RYR3: variants seen among roughly 807,000 people sequenced by gnomAD.
The protein encoded by RYR3 is brain ryanodine receptor-calcium release channel.
A neutral mutation model predicts 584.3 loss-of-function variants in RYR3; 207 were observed. The ratio of observed to expected loss-of-function variants is 0.35; its 90% CI spans 0.32 to 0.40. The LOEUF is 0.40. Among genes scored for constraint, RYR3 ranks in the 10% least tolerant of loss-of-function variants. The pLI is 1.00. For synonymous variants in RYR3, 2,416 were observed against 2,248.5 expected (o/e 1.07, Z -2.11); for missense variants, 5,616 against 6,089.2 (o/e 0.92, Z 2.59).
intron 67 of RYR3, among the ~76,000 whole-genome samples, chr15:33,793,948 ATATTTATT>A (rs1367926504): frequency 7.0e-6 from 1 of 143,770 alleles, no homozygotes; most frequent in African/African-American, 2.5e-5. Flanking sequence ...ATATAAATAT[ATATTTATT>A]TATTTATGTA....
chr15:33,566,586 A>T (rs548712116), intron 11 of RYR3, 92 bp from the exon 12 acceptor site: 3 of 1,370,202 alleles, frequency 2.2e-6, no homozygotes, highest in Middle Eastern at 1.8e-4. Flanking sequence ...AGAAAGGAAT[A>T]AGAGGGATGA....
intron 38 of RYR3, among the ~76,000 whole-genome samples, chr15:33,687,435 C>T (rs886319384): frequency 3.3e-5 from 5 of 152,188 alleles, no homozygotes; most frequent in African/African-American, 1.2e-4. Flanking sequence ...AATGGAAGAA[C>T]ATTCCATGCT....
intron 1 of RYR3, among the ~76,000 whole-genome samples, chr15:33,455,374 C>T (rs2047464323): frequency 6.6e-6 from 1 of 152,086 alleles, no homozygotes; most frequent in Admixed American, 6.5e-5. Context: ...TAATCGTCAA[C>T]TTGGATGGAG....
intron 43 of RYR3, among the ~76,000 whole-genome samples, chr15:33,721,733 C>A (rs1035487127): frequency 1.3e-5 from 2 of 152,036 alleles, no homozygotes; most frequent in Non-Finnish European, 2.9e-5. Flanking sequence ...GAGATGAATT[C>A]TCAGATACAA....
intron 38 of RYR3, among the ~76,000 whole-genome samples, chr15:33,694,665 T>G (rs1301408296): frequency 6.6e-6 from 1 of 152,148 alleles, no homozygotes; most frequent in East Asian, 1.9e-4. Flanking sequence ...AACAGGTTTC[T>G]GACAAGGAGC....
At chr15:33,599,469 G>A (rs2059556291) in intron 16 of RYR3, among the ~76,000 whole-genome samples, 1 of 152,172 alleles carries the variant, frequency 6.6e-6, no homozygotes, top group Non-Finnish European at 1.5e-5. Context: ...GTCTGGAAAG[G>A]CAGGATAACT....
chr15:33,655,478 A>G (rs2062773807), intron 32 of RYR3, among the ~76,000 whole-genome samples: 1 of 152,246 alleles, frequency 6.6e-6, no homozygotes, highest in Non-Finnish European at 1.5e-5. Context: ...TGCCTGCTTC[A>G]GGAAAGAACC....
intron 3 of RYR3, among the ~76,000 whole-genome samples, chr15:33,508,402 C>A (rs1220864122): frequency 6.6e-6 from 1 of 152,086 alleles, no homozygotes; most frequent in Non-Finnish European, 1.5e-5. Flanking sequence ...GTAATCCCAG[C>A]ACTCTGGGAG....
In RYR3 at chr15:33,414,872, C is replaced by A. The variant is rs141892464; in HGVS notation, c.52-58547C>A. On this transcript the variant is annotated intron_variant, in intron 1 of 103. Coordinates refer to ENST00000634891, the MANE Select transcript of RYR3 (RefSeq NM_001036.6). ...CCTCCCAAAGTGCTGGGATTACAGG[C>A]GTGAGCCACCGCGCCGGCCTTAATA... 2.6e-5 allele frequency among the ~76,000 whole-genome samples: 4 copies of A among 152,310 alleles called. No individual in the cohort carries two copies. In the East Asian group the frequency reaches 7.7e-4, roughly 29 times the overall value.
At chr15:33,818,002 C>A (rs957140069) in intron 75 of RYR3, among the ~76,000 whole-genome samples, 1 of 152,216 alleles carries the variant, frequency 6.6e-6, no homozygotes, top group Non-Finnish European at 1.5e-5. Flanking sequence ...GCAAGGCCTG[C>A]AGCTCCAGGA....
intron 74 of RYR3, chr15:33,815,429 C>G (rs1174620439): frequency 6.5e-6 from 1 of 153,870 alleles, no homozygotes; most frequent in African/African-American, 2.4e-5. Context: ...TCTCTGGGAC[C>G]AGGACAGCTA....
intron 18 of RYR3, among the ~76,000 whole-genome samples, chr15:33,610,598 A>G (rs1319179336): frequency 6.6e-6 from 1 of 152,238 alleles, no homozygotes; most frequent in South Asian, 2.1e-4. Context: ...TTAATTAAAA[A>G]GAGCACAGTG....
intron 1 of RYR3, among the ~76,000 whole-genome samples, chr15:33,417,450 CGTAA>C (rs1374461421): frequency 2.6e-5 from 4 of 151,768 alleles, no homozygotes; most frequent in Admixed American, 6.6e-5. Context: ...TTGTGGCCAT[CGTAA>C]GTGAGATTGT....
In RYR3 at chr15:33,660,272, G is replaced by A. The variant is rs1331616558; in HGVS notation, c.4471G>A (p.Asp1491Asn). Residue 1491 changes from aspartate (D) to asparagine (N), a missense_variant, in exon 34 of 104, where the codon GAC becomes AAC. This residue lies in a region of RYR3 where 753 missense variants were observed against 741.0 expected (regional missense o/e 1.02). Transcript: ENST00000634891. ...NPVPQCPPRL[D>N]VQTIQPVLWS... Reference sequence around the variant, plus strand: ...AGTCCCACAGTGTCCACCTCGGCTGGACGTCCAAACCATCCAGCCCGTGCT... The same window carrying A: ...AGTCCCACAGTGTCCACCTCGGCTGAACGTCCAAACCATCCAGCCCGTGCT... 3 of 1,557,994 alleles carry A rather than the reference G, an allele frequency of 1.9e-6. No individual in the cohort carries two copies. Among genetic ancestry groups the A allele is most frequent in the Non-Finnish European group, 2.6e-6 (3 of 1,150,914 alleles).
chr15:33,468,012 T>C (rs1418431666), intron 1 of RYR3, among the ~76,000 whole-genome samples: 3 of 152,168 alleles, frequency 2.0e-5, no homozygotes, highest in African/African-American at 7.2e-5. Flanking sequence ...TTCATACCTA[T>C]TGCTAAGGTC....
intron 1 of RYR3, among the ~76,000 whole-genome samples, chr15:33,430,537 G>T (rs59222280): frequency 6.6e-6 from 1 of 152,284 alleles, no homozygotes; most frequent in East Asian, 1.9e-4. Flanking sequence ...CCCTTAGAAA[G>T]AAATTTAGAA....
intron 1 of RYR3, among the ~76,000 whole-genome samples, chr15:33,427,035 A>C (rs2044707194): frequency 6.6e-6 from 1 of 152,198 alleles, no homozygotes. Flanking sequence ...AAGGATTTAG[A>C]CTTCAACTTA....
chr15:33,751,846 G>A (rs1449536687), intron 57 of RYR3, among the ~76,000 whole-genome samples: 1 of 152,116 alleles, frequency 6.6e-6, no homozygotes, highest in Non-Finnish European at 1.5e-5. Flanking sequence ...TTTTCTTCTA[G>A]GGCTTTTATG....
chr15:33,687,333 A>T (rs145193240), intron 38 of RYR3, among the ~76,000 whole-genome samples: 11,468 of 152,292 alleles, frequency 0.075, 452 homozygotes, highest in African/African-American at 0.11. Flanking sequence ...AGAGAATAAA[A>T]TACCTAGGAA....
Sources: allele counts gnomAD v4.1 joint callset (sites outside exome capture counted in the v4.1 genomes callset), GRCh38; gene constraint gnomAD v4.1.1; regional missense constraint gnomAD v4.1.1; transcripts MANE v1.5; gene names NCBI Gene and HGNC (gene_info 2026-07-23, HGNC 2026-07-21).